Variants in GPHN observed in about 807,000 individuals in gnomAD.
GPHN encodes gephyrin.
GPHN carries 17 observed loss-of-function variants against 95.5 expected under a neutral mutation model. The ratio of observed to expected loss-of-function variants is 0.18; its 90% confidence interval spans 0.12 to 0.27. The LOEUF (loss-of-function observed/expected upper bound fraction) is 0.27, where lower values mean the gene tolerates loss of function less well. Among genes scored for constraint, GPHN ranks in the 10% least tolerant of loss-of-function variants. GPHN has a pLI of 1.00. For missense variants in GPHN, 660 were observed against 978.1 expected, an observed-to-expected ratio of 0.67 and a Z score of 4.34; for synonymous variants, 320 against 322.5, an observed-to-expected ratio of 0.99 and a Z score of 0.08.
chr14:66,640,892 G>A (rs1308246904), intron 1 of GPHN, among the ~76,000 whole-genome samples: 1 of 152,096 alleles, frequency 6.6e-6, no homozygotes, highest in Non-Finnish European at 1.5e-5. Flanking sequence ...CCTCTGTTTT[G>A]TCCTAATTAT....
At chr14:67,275,755 CT>C in the GPHN span, among the ~76,000 whole-genome samples, 1 of 152,038 alleles carries the variant, frequency 6.6e-6, no homozygotes, top group African/African-American at 2.4e-5. Context: ...TGGTCCTGGA[CT>C]TTTTTTGGTT....
the GPHN span, chr14:67,336,751 C>T: frequency 3.2e-4 from 146 of 455,928 alleles, 1 homozygote; most frequent in South Asian, 1.2e-3. Context: ...GTTGGGAAGA[C>T]GAAATGTTAA....
chr14:67,624,644 C>G, the GPHN span, among the ~76,000 whole-genome samples: 1 of 152,256 alleles, frequency 6.6e-6, no homozygotes, highest in Middle Eastern at 3.4e-3. Flanking sequence ...TTAGGAACAA[C>G]CCCCATGATC....
intron 4 of GPHN, among the ~76,000 whole-genome samples, chr14:66,840,479 A>G (rs2153507238): frequency 6.6e-6 from 1 of 152,144 alleles, no homozygotes; most frequent in East Asian, 1.9e-4. Flanking sequence ...CCTATTTAAA[A>G]GGGCCAGATG....
At chr14:67,624,378 A>G in the GPHN span, among the ~76,000 whole-genome samples, 1 of 152,232 alleles carries the variant, frequency 6.6e-6, no homozygotes, top group Non-Finnish European at 1.5e-5. Flanking sequence ...GTACTTTTGT[A>G]AAGACATACC....
chr14:67,293,269 T>C, the GPHN span, among the ~76,000 whole-genome samples: 3 of 152,308 alleles, frequency 2.0e-5, no homozygotes, highest in East Asian at 5.8e-4. Context: ...TTTGATCTGT[T>C]ATGCAAACAT....
chr14:67,620,139 C>T, the GPHN span: 2 of 1,354,456 alleles, frequency 1.5e-6, no homozygotes, highest in Non-Finnish European at 2.0e-6. Flanking sequence ...CCCCCTAGAA[C>T]CTGGAGACAG....
intron 9 of GPHN, among the ~76,000 whole-genome samples, chr14:66,974,503 A>C (rs1471038538): frequency 6.6e-6 from 1 of 152,064 alleles, no homozygotes; most frequent in Non-Finnish European, 1.5e-5. Flanking sequence ...TATAATTGCC[A>C]CTCTGAAGTC....
intron 9 of GPHN, among the ~76,000 whole-genome samples, chr14:67,023,118 A>G (rs2073744328): frequency 6.6e-6 from 1 of 152,102 alleles, no homozygotes; most frequent in Non-Finnish European, 1.5e-5. Context: ...TAAATGTTAT[A>G]TAAGGATCAA....
intron 10 of GPHN, among the ~76,000 whole-genome samples, chr14:67,047,620 C>G (rs533193081): frequency 2.0e-5 from 3 of 152,242 alleles, no homozygotes; most frequent in East Asian, 1.9e-4. Flanking sequence ...CCTGTGTCAG[C>G]CTCCCAAAGT....
chr14:66,902,967 A>C (rs1396902344), intron 5 of GPHN, among the ~76,000 whole-genome samples: 1 of 152,116 alleles, frequency 6.6e-6, no homozygotes. Context: ...GATACTATAA[A>C]TACCTCTACA....
chr14:66,782,646 T>C (rs555399862), intron 3 of GPHN, among the ~76,000 whole-genome samples: 12 of 152,032 alleles, frequency 7.9e-5, no homozygotes, highest in South Asian at 2.1e-4. Flanking sequence ...GGTGGAACCC[T>C]GTCTCTACTA....
At chr14:66,910,946 A>C (rs546555771) in intron 5 of GPHN, among the ~76,000 whole-genome samples, 304 of 152,166 alleles carry the variant, frequency 2.0e-3, no homozygotes, top group African/African-American at 6.3e-3. Flanking sequence ...TATGCATATC[A>C]GCATGGAGGA....
chr14:67,439,533 G>GTTTC, the GPHN span, among the ~76,000 whole-genome samples: 18,320 of 94,998 alleles, frequency 0.19, 1,529 homozygotes, highest in Non-Finnish European at 0.23. Context: ...AAATTCAATA[G>GTTTC]TTTCTTTCTT....
At chr14:66,708,475 C>T (rs189571978) in intron 2 of GPHN, among the ~76,000 whole-genome samples, 2 of 152,236 alleles carry the variant, frequency 1.3e-5, no homozygotes, top group East Asian at 3.9e-4. Flanking sequence ...TCCTGTATTT[C>T]ACAAGAATTG....
chr14:66,614,727 T>C (rs1168602222), intron 1 of GPHN, among the ~76,000 whole-genome samples: 7 of 152,170 alleles, frequency 4.6e-5, no homozygotes. Flanking sequence ...GTTTTATGTA[T>C]TCTTTTTTAT....
chr14:67,492,841 T>A, the GPHN span, among the ~76,000 whole-genome samples: 1 of 152,214 alleles, frequency 6.6e-6, no homozygotes, highest in African/African-American at 2.4e-5. Flanking sequence ...TACTGTACCA[T>A]GTGTGAACAA....
At chr14:67,206,600 T>A in the GPHN span, among the ~76,000 whole-genome samples, 1 of 152,148 alleles carries the variant, frequency 6.6e-6, no homozygotes, top group African/African-American at 2.4e-5. Flanking sequence ...AATAAAATGT[T>A]AAGTGAAAAA....
the GPHN span, chr14:67,471,517 A>T: frequency 2.6e-5 from 4 of 152,322 alleles, no homozygotes; most frequent in Admixed American, 2.6e-4. Flanking sequence ...TCCCACCGGA[A>T]GCCTGATTCT....
Sources: gnomAD v4.1 joint callset for allele counts (sites outside exome capture counted in the v4.1 genomes callset) on GRCh38, gnomAD v4.1.1 for gene constraint, MANE v1.5 for transcripts, NCBI Gene and HGNC (gene_info 2026-07-23, HGNC 2026-07-21) for gene names.